The following ADGRG7 variants were observed in gnomAD, a reference collection of about 807,000 sequenced individuals.
ADGRG7 encodes the protein G-protein coupled receptor 128.
A neutral mutation model predicts 88.6 loss-of-function variants in ADGRG7; 82 were observed. That is an observed-to-expected ratio of 0.93 (90% CI 0.77 to 1.11). The LOEUF (loss-of-function observed/expected upper bound fraction) is 1.11. Ranked by LOEUF, ADGRG7 falls within the 50% of genes most tolerant of loss-of-function variation. The probability of loss-of-function intolerance (pLI) is 0.00; values close to 1 mark genes in which losing one functional copy is unlikely to be tolerated. For synonymous variants in ADGRG7, 381 were observed against 345.2 expected, an observed-to-expected ratio of 1.10 and a Z score of -1.15; for missense variants, 945 against 953.4, an observed-to-expected ratio of 0.99 and a Z score of 0.12.
At chr3:100,685,524 CT>C (rs1308484087) in intron 15 of ADGRG7, among the ~76,000 whole-genome samples, 3 of 152,102 alleles carry the variant, frequency 2.0e-5, no homozygotes, top group Non-Finnish European at 4.4e-5. Flanking sequence ...ATCCCTTCCC[CT>C]CCCCGCACCC....
At chr3:100,665,654 G>A (rs2094950842) in intron 14 of ADGRG7, among the ~76,000 whole-genome samples, 1 of 152,212 alleles carries the variant, frequency 6.6e-6, no homozygotes, top group African/African-American at 2.4e-5. Flanking sequence ...TTAAAAGTAT[G>A]TTTACTGAAC....
At chr3:100,658,839 T>C (rs2094940983) in intron 13 of ADGRG7, among the ~76,000 whole-genome samples, 1 of 152,240 alleles carries the variant, frequency 6.6e-6, no homozygotes, top group South Asian at 2.1e-4. Flanking sequence ...TGCACTAGAA[T>C]GTAACCTCAC....
chr3:100,637,456 C>A (rs1361734429), intron 6 of ADGRG7, 54 bp downstream of exon 6: 1 of 1,194,112 alleles, frequency 8.4e-7, no homozygotes. Flanking sequence ...GTTTACTTTC[C>A]TAGGCTAAAG....
intron 1 of ADGRG7, among the ~76,000 whole-genome samples, chr3:100,619,787 C>G (rs1707281488): frequency 6.6e-6 from 1 of 152,168 alleles, no homozygotes. Context: ...CACCTCTACG[C>G]AAATAAACTA....
chr3:100,651,726 A>C (rs1470315384), intron 11 of ADGRG7, among the ~76,000 whole-genome samples: 1 of 152,112 alleles, frequency 6.6e-6, no homozygotes, highest in African/African-American at 2.4e-5. Flanking sequence ...AAAAATAAAG[A>C]CAAAATTTTA....
chr3:100,648,414 A>AT (rs1707793910), intron 10 of ADGRG7, among the ~76,000 whole-genome samples: 1 of 152,220 alleles, frequency 6.6e-6, no homozygotes, highest in Non-Finnish European at 1.5e-5. Context: ...TACACTACGT[A>AT]TAAGAAATAA....
chr3:100,649,857 T>C (rs2094926622), intron 11 of ADGRG7, 50 bp downstream of exon 11: 1 of 1,011,034 alleles, frequency 9.9e-7, no homozygotes, highest in Non-Finnish European at 1.5e-6. Context: ...TATCTTGATA[T>C]AATTTACTCT....
intron 6 of ADGRG7, among the ~76,000 whole-genome samples, chr3:100,639,423 T>C (rs1431010724): frequency 6.6e-6 from 1 of 152,182 alleles, no homozygotes; most frequent in Admixed American, 6.5e-5. Flanking sequence ...AGGCACAAAA[T>C]AGAGCATTCA....
intron 8 of ADGRG7, 70 bp downstream of exon 8, chr3:100,643,703 C>T: frequency 1.0e-6 from 1 of 1,001,742 alleles, no homozygotes; most frequent in East Asian, 2.4e-5. Flanking sequence ...TTCTAATTTA[C>T]TCTAGGAGAA....
intron 5 of ADGRG7, among the ~76,000 whole-genome samples, chr3:100,636,121 C>G (rs1398389317): frequency 2.0e-5 from 3 of 152,146 alleles, no homozygotes; most frequent in Non-Finnish European, 4.4e-5. Context: ...GTGGCACGAT[C>G]TTAAGTCACT....
intron 1 of ADGRG7, among the ~76,000 whole-genome samples, chr3:100,627,358 A>T (rs1707393959): frequency 6.6e-6 from 1 of 152,182 alleles, no homozygotes. Flanking sequence ...GATTAATTAA[A>T]TTAATTGATT....
intron 13 of ADGRG7, 147 bp from the exon 14 acceptor site, chr3:100,659,541 T>G (rs1465262273): frequency 1.5e-5 from 9 of 588,540 alleles, no homozygotes; most frequent in African/African-American, 1.2e-4. Flanking sequence ...TTGAAAGTCA[T>G]AAGTCATCTC....
chr3:100,667,185 T>A (rs1025506800), intron 14 of ADGRG7, among the ~76,000 whole-genome samples: 3 of 152,144 alleles, frequency 2.0e-5, no homozygotes, highest in East Asian at 1.9e-4. Flanking sequence ...GTTAATTTTT[T>A]TTTTTATTAT....
At chr3:100,689,674 C>A (rs2094989646) in intron 15 of ADGRG7, among the ~76,000 whole-genome samples, 1 of 152,126 alleles carries the variant, frequency 6.6e-6, no homozygotes, top group African/African-American at 2.4e-5. Flanking sequence ...GTTGAAAATT[C>A]TTTTCTTTAA....
intron 14 of ADGRG7, among the ~76,000 whole-genome samples, chr3:100,667,921 G>A (rs1312993711): frequency 6.6e-6 from 1 of 152,214 alleles, no homozygotes; most frequent in African/African-American, 2.4e-5. Flanking sequence ...CGCTGGTGAG[G>A]CAGGCACCAT....
intron 9 of ADGRG7, 144 bp from the exon 10 acceptor site, chr3:100,646,425 T>TC: frequency 2.9e-6 from 2 of 686,214 alleles, no homozygotes; most frequent in South Asian, 2.3e-5. Flanking sequence ...TCTCCTTTTT[T>TC]CCCTCTCCTT....
chr3:100,632,531 A>T (rs1450171163), intron 3 of ADGRG7, among the ~76,000 whole-genome samples: 1 of 152,222 alleles, frequency 6.6e-6, no homozygotes, highest in African/African-American at 2.4e-5. Flanking sequence ...TTTATAGCCC[A>T]TAAATATGTT....
At chr3:100,611,541 T>C (rs1707155540) in intron 1 of ADGRG7, among the ~76,000 whole-genome samples, 1 of 152,060 alleles carries the variant, frequency 6.6e-6, no homozygotes, top group African/African-American at 2.4e-5. Flanking sequence ...AAATACAAAA[T>C]ATATTCCCGA....
At chr3:100,609,998 C>G in intron 1 of ADGRG7, 27 bp downstream of exon 1, 1 of 1,570,948 alleles carries the variant, frequency 6.4e-7, no homozygotes, top group Non-Finnish European at 8.8e-7. Flanking sequence ...ATGTTTAACT[C>G]AGAGTAAGAG....
Sources: allele counts gnomAD v4.1 joint callset (sites outside exome capture counted in the v4.1 genomes callset), GRCh38; gene constraint gnomAD v4.1.1; transcripts MANE v1.5; gene names NCBI Gene and HGNC (gene_info 2026-07-23, HGNC 2026-07-21).